LCLAT1: variants seen among roughly 807,000 people sequenced by gnomAD.
The protein encoded by LCLAT1 is lysocardiolipin acyltransferase 1, also known as 1-AGP acyltransferase 8.
In LCLAT1, 11 loss-of-function variants were observed where a neutral mutation model predicts 30.7. The ratio of observed to expected loss-of-function variants is 0.36; its 90% CI spans 0.23 to 0.59. The LOEUF (loss-of-function observed/expected upper bound fraction) is 0.59, where lower values mean the gene tolerates loss of function less well. Among genes scored for constraint, LCLAT1 ranks in the 20% least tolerant of loss-of-function variants. The pLI is 0.77. For missense variants in LCLAT1, 402 were observed against 458.6 expected, an observed-to-expected ratio of 0.88 and a Z score of 1.13; for synonymous variants, 155 against 151.3, an observed-to-expected ratio of 1.02 and a Z score of -0.18.
intron 5 of LCLAT1, among the ~76,000 whole-genome samples, chr2:30,621,140 C>T (rs1234894258): frequency 1.3e-5 from 2 of 152,134 alleles, no homozygotes; most frequent in East Asian, 3.8e-4. Flanking sequence ...TTATTTACCC[C>T]TCATGTATTG....
intron 5 of LCLAT1, among the ~76,000 whole-genome samples, chr2:30,615,419 AGGAAGTTATT>A (rs748258951): frequency 2.0e-5 from 3 of 152,142 alleles, no homozygotes; most frequent in Non-Finnish European, 4.4e-5. Context: ...AAGGATAGTG[AGGAAGTTATT>A]GGAAGTTTTT....
At chr2:30,533,413 C>A in intron 3 of LCLAT1, 99 bp downstream of exon 3, 1 of 942,090 alleles carries the variant, frequency 1.1e-6, no homozygotes. Context: ...CCATTTTTTT[C>A]CTCACTGGGC....
intron 5 of LCLAT1, among the ~76,000 whole-genome samples, chr2:30,602,448 T>G (rs748468527): frequency 1.3e-5 from 2 of 152,188 alleles, no homozygotes; most frequent in Non-Finnish European, 2.9e-5. Context: ...ACAACGTGAA[T>G]TTTGTTTCGG....
intron 5 of LCLAT1, among the ~76,000 whole-genome samples, chr2:30,604,232 G>T (rs1667322512): frequency 6.6e-6 from 1 of 152,154 alleles, no homozygotes; most frequent in South Asian, 2.1e-4. Flanking sequence ...GCAAGGGACA[G>T]GGATAATTGG....
intron 5 of LCLAT1, among the ~76,000 whole-genome samples, chr2:30,587,675 C>T (rs1338403332): frequency 6.6e-6 from 1 of 152,096 alleles, no homozygotes; most frequent in Non-Finnish European, 1.5e-5. Flanking sequence ...AGAAACTGAA[C>T]ATTGTAAAAG....
chr2:30,459,738 G>T, intron 1 of LCLAT1: 1 of 1,552,286 alleles, frequency 6.4e-7, no homozygotes, highest in Non-Finnish European at 8.9e-7. Flanking sequence ...TCTTTGTAAT[G>T]ATTTAGATGC....
At chr2:30,636,934 T>G (rs1399020338) in intron 5 of LCLAT1, among the ~76,000 whole-genome samples, 1 of 152,138 alleles carries the variant, frequency 6.6e-6, no homozygotes, top group Non-Finnish European at 1.5e-5. Flanking sequence ...AGGAGATCGG[T>G]CAAGGCTGTT....
At chr2:30,529,924 AG>A (rs1477523460) in intron 2 of LCLAT1, among the ~76,000 whole-genome samples, 1 of 152,216 alleles carries the variant, frequency 6.6e-6, no homozygotes, top group Non-Finnish European at 1.5e-5. Context: ...GACTAAGTAA[AG>A]ATCCATCAGA....
At chr2:30,515,823 A>G (rs76784374) in intron 1 of LCLAT1, among the ~76,000 whole-genome samples, 25 of 152,118 alleles carry the variant, frequency 1.6e-4, no homozygotes, top group African/African-American at 5.1e-4. Flanking sequence ...AAGGGTTTTT[A>G]AAGATTAAAT....
chr2:30,636,394 A>T (rs944517964), intron 5 of LCLAT1, among the ~76,000 whole-genome samples: 2 of 152,228 alleles, frequency 1.3e-5, no homozygotes, highest in African/African-American at 4.8e-5. Flanking sequence ...GAAAAAGGGT[A>T]CAGCCTAGTA....
intron 2 of LCLAT1, among the ~76,000 whole-genome samples, chr2:30,526,295 C>T (rs1685717107): frequency 6.6e-6 from 1 of 152,016 alleles, no homozygotes; most frequent in Non-Finnish European, 1.5e-5. Flanking sequence ...CAAAGGCTCT[C>T]TTCCTTTTTT....
intron 1 of LCLAT1, among the ~76,000 whole-genome samples, chr2:30,509,968 A>G (rs967796889): frequency 6.6e-6 from 1 of 152,206 alleles, no homozygotes; most frequent in Admixed American, 6.5e-5. Flanking sequence ...CAAGAAGCCA[A>G]GTACAGATTA....
intron 5 of LCLAT1, among the ~76,000 whole-genome samples, chr2:30,615,598 T>C (rs2148510279): frequency 6.6e-6 from 1 of 152,274 alleles, no homozygotes; most frequent in South Asian, 2.1e-4. Context: ...CCGAAAAACT[T>C]AAATACTTCC....
intron 5 of LCLAT1, among the ~76,000 whole-genome samples, chr2:30,591,587 T>C (rs947029236): frequency 6.6e-6 from 1 of 152,220 alleles, no homozygotes; most frequent in African/African-American, 2.4e-5. Flanking sequence ...ATTCATGTTA[T>C]GTGTGTTATA....
At chr2:30,631,036 T>A (rs1025771395) in intron 5 of LCLAT1, among the ~76,000 whole-genome samples, 1 of 152,238 alleles carries the variant, frequency 6.6e-6, no homozygotes, top group African/African-American at 2.4e-5. Context: ...TAGCATACTT[T>A]AACTACTTAT....
intron 3 of LCLAT1, among the ~76,000 whole-genome samples, chr2:30,536,024 AT>A (rs954633571): frequency 1.6e-5 from 2 of 124,550 alleles, no homozygotes; most frequent in African/African-American, 6.0e-5. Context: ...TAAAAATAAA[AT>A]CAAGAGCTTC....
chr2:30,478,936 C>T (rs1259331539), intron 1 of LCLAT1, among the ~76,000 whole-genome samples: 1 of 152,120 alleles, frequency 6.6e-6, no homozygotes, highest in Non-Finnish European at 1.5e-5. Context: ...ACTTGGGTTG[C>T]CCAATTGCTG....
At chr2:30,576,614 T>C (rs943506547) in intron 5 of LCLAT1, among the ~76,000 whole-genome samples, 1 of 152,150 alleles carries the variant, frequency 6.6e-6, no homozygotes, top group African/African-American at 2.4e-5. Context: ...CAGAAATTCA[T>C]CTTAACAGGA....
intron 3 of LCLAT1, among the ~76,000 whole-genome samples, chr2:30,550,965 C>T (rs1664649711): frequency 6.6e-6 from 1 of 151,904 alleles, no homozygotes; most frequent in South Asian, 2.1e-4. Flanking sequence ...AAAGTAATGG[C>T]CAGCTTTGGC....
Sources: gnomAD v4.1 joint callset for allele counts (sites outside exome capture counted in the v4.1 genomes callset) on GRCh38, gnomAD v4.1.1 for gene constraint, MANE v1.5 for transcripts, NCBI Gene and HGNC (gene_info 2026-07-23, HGNC 2026-07-21) for gene names.